The following TNS3 variants were observed in gnomAD, a reference collection of about 807,000 sequenced individuals.
TNS3 encodes tensin-3.
Under a neutral mutation model 140.9 loss-of-function variants are expected in TNS3, and 45 were observed. The ratio of observed to expected loss-of-function variants is 0.32; its 90% CI spans 0.25 to 0.41. TNS3 has a LOEUF of 0.41. Among genes scored for constraint, TNS3 ranks in the 10% least tolerant of loss-of-function variants. TNS3 has a pLI of 1.00. For synonymous variants in TNS3, 815 were observed against 788.4 expected (o/e 1.03, Z -0.56); for missense variants, 1,716 against 1,906.7 (o/e 0.90, Z 1.86).
chr7:47,338,848 G>T (rs944019153), intron 20 of TNS3, among the ~76,000 whole-genome samples: 14 of 152,158 alleles, frequency 9.2e-5, no homozygotes, highest in Middle Eastern at 3.4e-3. Context: ...TTTCTTTTGG[G>T]TGTATATCCG....
At chr7:47,450,084 T>C (rs1004454783) in intron 4 of TNS3, among the ~76,000 whole-genome samples, 1 of 152,110 alleles carries the variant, frequency 6.6e-6, no homozygotes, top group Non-Finnish European at 1.5e-5. Context: ...AGCACAGCAG[T>C]CTGTAGAATG....
At position 47,302,192 on chromosome 7, in the gene TNS3, C is replaced by A; in HGVS notation, c.3538G>T (p.Glu1180Ter). Residue 1180 changes from glutamate to a stop codon, truncating the protein, a stop_gained, in exon 23 of 31, where the codon GAA (glutamate) becomes TAA (stop). Coordinates refer to ENST00000311160, the MANE Select transcript of TNS3 (RefSeq NM_022748.12). LOFTEE classifies it high-confidence loss of function. ...CCTCATCCTCCCCACATACCTTGTT[C>A]TCTTGAAATATCCGCCTTGTACCAG... The part of the protein sequence containing the change: ...KFWYKADISR[E>*]QAIAMLKDKE... 1 of 1,614,068 alleles carries A rather than the reference C, an allele frequency of 6.2e-7. No individual in the cohort carries two copies. Among genetic ancestry groups the A allele is most frequent in the South Asian group, 1.1e-5 (1 of 91,084 alleles).
intron 20 of TNS3, among the ~76,000 whole-genome samples, chr7:47,337,576 G>A (rs1788702390): frequency 6.6e-6 from 1 of 152,200 alleles, no homozygotes; most frequent in South Asian, 2.1e-4. Flanking sequence ...CTACACAAAT[G>A]TTCTGATTTC....
intron 4 of TNS3, among the ~76,000 whole-genome samples, chr7:47,448,429 C>T (rs557952144): frequency 3.3e-5 from 5 of 151,490 alleles, no homozygotes; most frequent in African/African-American, 7.3e-5. Flanking sequence ...AGGTTAATTT[C>T]GAGACAAGCT....
At chr7:47,545,134 A>C (rs1799885665) in intron 1 of TNS3, among the ~76,000 whole-genome samples, 1 of 136,162 alleles carries the variant, frequency 7.3e-6, no homozygotes, top group Admixed American at 8.9e-5. Context: ...GAGATGCGTA[A>C]GAGGGCATTT....
chr7:47,277,103 G>C lies in TNS3; in HGVS notation c.*973C>G, dbSNP rs1450105068. ...GTTGCTTGAGGCAAAGCCACCTTTG[G>C]GCGGCACCGCATATGGGAGACCCAC... On this transcript the variant is annotated 3_prime_UTR_variant, in exon 31 of 31. Transcript: ENST00000311160. 1 of 151,878 alleles carries C rather than the reference G, an allele frequency of 6.6e-6. No individual in the cohort carries two copies. Among genetic ancestry groups the C allele is most frequent in the East Asian group, 1.9e-4 (1 of 5,148 alleles). The allele number at this position is 151,878 out of a possible 1,614,324, so 9.4% of individuals were successfully genotyped here. A position where few individuals can be genotyped will look rare whatever the true frequency, so the allele number is the denominator to read the frequency against.
At chr7:47,566,501 C>A (rs1222827882) in intron 1 of TNS3, among the ~76,000 whole-genome samples, 1 of 152,170 alleles carries the variant, frequency 6.6e-6, no homozygotes, top group Non-Finnish European at 1.5e-5. Flanking sequence ...GAGCTTGCTC[C>A]CCAAGCAAAA....
chr7:47,278,058 A>G lies in TNS3; in HGVS notation c.*18T>C. On this transcript the variant is annotated 3_prime_UTR_variant, in exon 31 of 31. Coordinates refer to ENST00000311160, the MANE Select transcript of TNS3 (RefSeq NM_022748.12). ...GGCTTCGAGAGGCATCGGTGGGTCC[A>G]GGGAGGGAGGGGAGTTCTCAGACCT... is the stretch of plus-strand genomic sequence containing the variant. The G allele has an allele frequency of 6.2e-7, 1 of 1,613,886 alleles. No individual in the cohort carries two copies. Among genetic ancestry groups the G allele is most frequent in the Non-Finnish European group, 8.5e-7 (1 of 1,179,870 alleles).
intron 4 of TNS3, among the ~76,000 whole-genome samples, chr7:47,475,787 T>G (rs1797174395): frequency 6.6e-6 from 1 of 152,210 alleles, no homozygotes; most frequent in Admixed American, 6.5e-5. Flanking sequence ...CGGACCACTG[T>G]TAGGCCGCAG....
At chr7:47,571,142 C>T (rs1800546168) in intron 1 of TNS3, among the ~76,000 whole-genome samples, 1 of 152,188 alleles carries the variant, frequency 6.6e-6, no homozygotes, top group South Asian at 2.1e-4. Context: ...GGGGTCAGAG[C>T]TCTCAAAAGG....
chr7:47,461,837 T>G (rs1796503841), intron 4 of TNS3, among the ~76,000 whole-genome samples: 2 of 152,236 alleles, frequency 1.3e-5, no homozygotes, highest in African/African-American at 4.8e-5. Flanking sequence ...TCAGTAAAAC[T>G]CATCAAATTT....
At chr7:47,333,105 C>T (rs112723638) in intron 20 of TNS3, among the ~76,000 whole-genome samples, 66 of 152,150 alleles carry the variant, frequency 4.3e-4, no homozygotes, top group Middle Eastern at 6.8e-3. Context: ...AAAGCCAACA[C>T]CTTTTTTTTT....
At chr7:47,346,078 TG>T in intron 18 of TNS3, 108 bp downstream of exon 18, 1 of 1,396,604 alleles carries the variant, frequency 7.2e-7, no homozygotes, top group South Asian at 1.3e-5. Context: ...GAGGATAATG[TG>T]GGCTGTATTC....
intron 20 of TNS3, among the ~76,000 whole-genome samples, chr7:47,335,056 CTT>C (rs1398658602): frequency 1.3e-5 from 2 of 152,158 alleles, no homozygotes; most frequent in African/African-American, 2.4e-5. Context: ...ATAGGGGAGA[CTT>C]GAGATTAAAC....
intron 4 of TNS3, among the ~76,000 whole-genome samples, chr7:47,444,557 G>A (rs892436811): frequency 2.6e-5 from 4 of 152,198 alleles, no homozygotes; most frequent in Non-Finnish European, 5.9e-5. Context: ...CTCAGGCGGG[G>A]CCCTGACGGC....
intron 20 of TNS3, among the ~76,000 whole-genome samples, chr7:47,314,518 C>G (rs1411031421): frequency 6.6e-6 from 1 of 152,212 alleles, no homozygotes; most frequent in Non-Finnish European, 1.5e-5. Flanking sequence ...GATGATCTAC[C>G]TACTGCAAAC....
chr7:47,305,527 C>A (rs1023300646), intron 20 of TNS3, among the ~76,000 whole-genome samples: 1 of 152,254 alleles, frequency 6.6e-6, no homozygotes, highest in East Asian at 1.9e-4. Flanking sequence ...ACCCTCCCCC[C>A]AGCTGGTAAC....
intron 23 of TNS3, among the ~76,000 whole-genome samples, chr7:47,298,115 A>T (rs1786159409): frequency 6.6e-6 from 1 of 152,208 alleles, no homozygotes; most frequent in Non-Finnish European, 1.5e-5. Flanking sequence ...ACATTTTCTG[A>T]TGATAGAAAG....
rs765374918 is a variant in TNS3, at chr7:47,369,474, C to A, written c.1172G>T (p.Ser391Ile). The A allele has an allele frequency of 3.1e-6, 5 of 1,614,196 alleles. No homozygotes were observed. The highest frequency in any genetic ancestry group is 4.2e-6 in the Non-Finnish European group (5 of 1,180,046). Residue 391 changes from serine (S) to isoleucine (I), a missense_variant, in exon 17 of 31, where the codon AGT becomes ATT. This residue lies in a region of TNS3 where 1,163 missense variants were observed against 1,182.1 expected (regional missense o/e 0.98). Coordinates refer to ENST00000311160, the MANE Select transcript of TNS3 (RefSeq NM_022748.12). ...AGAGGCTGTAGAGTGGCCGGAGTCA[C>A]TGCTGACAGACAAGGTGTGGTCACT... ...DHSDHTLSVS[S>I]DSGHSTASAR...
Sources: allele counts gnomAD v4.1 joint callset (sites outside exome capture counted in the v4.1 genomes callset), GRCh38; gene constraint gnomAD v4.1.1; regional missense constraint gnomAD v4.1.1; transcripts MANE v1.5; gene names NCBI Gene and HGNC (gene_info 2026-07-23, HGNC 2026-07-21).